The following EIF3CL variants were observed in gnomAD, a reference collection of about 807,000 sequenced individuals.
EIF3CL encodes eukaryotic translation initiation factor 3 subunit C like, also known as eukaryotic translation initiation factor 3 subunit C-like protein.
For missense variants in EIF3CL, 5 were observed against 56.1 expected (o/e 0.09, Z 2.91); for synonymous variants, 2 against 19.6 (o/e 0.10, Z 2.37).
chr16:28,423,796 T>C, the EIF3CL span, among the ~76,000 whole-genome samples: 2 of 100,384 alleles, frequency 2.0e-5, no homozygotes, highest in African/African-American at 6.4e-5. Context: ...TTCTGCTCCA[T>C]ATATATATAT....
rs2045605317 is a variant in EIF3CL at position 28,386,773 on chromosome 16, C to T, written c.1821+1285G>A. On this transcript the variant is annotated intron_variant, in intron 15 of 20. Transcript: ENST00000380876. Reference sequence around the variant, plus strand: ...GTCTCAAAACACACACACACACACACACACACACCCCTAAAAGATACACAC... The same window carrying T: ...GTCTCAAAACACACACACACACACATACACACACCCCTAAAAGATACACAC... Among the ~76,000 whole-genome samples the T allele has an allele frequency of 2.3e-5, 2 of 85,448 alleles. 1 individual carries two copies. Among genetic ancestry groups the T allele is most frequent in the African/African-American group, 9.2e-5 (2 of 21,764 alleles). 56.1% of individuals were successfully genotyped at this position (85,448 alleles called of 152,430 possible).
chr16:28,418,027 G>T, the EIF3CL span, among the ~76,000 whole-genome samples: 1 of 146,126 alleles, frequency 6.8e-6, no homozygotes, highest in Non-Finnish European at 1.5e-5. Flanking sequence ...TGGGCAACAG[G>T]AGTGAGACTC....
At chr16:28,419,014 T>A in the EIF3CL span, among the ~76,000 whole-genome samples, 1 of 144,972 alleles carries the variant, frequency 6.9e-6, no homozygotes, top group African/African-American at 2.5e-5. Context: ...TTTTTAAAAT[T>A]TTTTTTCTTT....
chr16:28,385,474 G>A (rs1358387822), intron 15 of EIF3CL, among the ~76,000 whole-genome samples: 3 of 114,800 alleles, frequency 2.6e-5, no homozygotes, highest in South Asian at 2.7e-4. Flanking sequence ...GACTACAGGC[G>A]TGCACCACTA....
chr16:28,415,848 C>CTCTCCCTCTCCG, the EIF3CL span, among the ~76,000 whole-genome samples: 1 of 75,912 alleles, frequency 1.3e-5, no homozygotes, highest in Non-Finnish European at 3.1e-5. Context: ...CTCCCTCTCC[C>CTCTCCCTCTCCG]TCTCCGTCTC....
the EIF3CL span, among the ~76,000 whole-genome samples, chr16:28,423,796 T>A: frequency 1.0e-5 from 1 of 100,384 alleles, no homozygotes; most frequent in Non-Finnish European, 2.2e-5. Context: ...TTCTGCTCCA[T>A]ATATATATAT....
At chr16:28,414,629 G>A in the EIF3CL span, 215 of 290,978 alleles carry the variant, frequency 7.4e-4, 12 homozygotes, top group Non-Finnish European at 1.1e-3. Flanking sequence ...AGATTCAGAC[G>A]GCTGACTGCT....
chr16:28,415,602 T>TA, the EIF3CL span, among the ~76,000 whole-genome samples: 1 of 117,180 alleles, frequency 8.5e-6, no homozygotes, highest in Non-Finnish European at 1.7e-5. Flanking sequence ...ATACAAAAAT[T>TA]AGCCGGGCAT....
At chr16:28,410,947 A>G in the EIF3CL span, among the ~76,000 whole-genome samples, 1 of 126,536 alleles carries the variant, frequency 7.9e-6, no homozygotes, top group Non-Finnish European at 1.7e-5. Context: ...CATAAGGCAT[A>G]TCCTTTTTTG....
At chr16:28,425,040 CT>C in the EIF3CL span, among the ~76,000 whole-genome samples, 1 of 3,046 alleles carries the variant, frequency 3.3e-4, no homozygotes, top group East Asian at 4.5e-3. Flanking sequence ...GTTCTTGGAA[CT>C]TTTTTTTTTT....
chr16:28,419,253 G>C, the EIF3CL span, among the ~76,000 whole-genome samples: 1 of 150,960 alleles, frequency 6.6e-6, no homozygotes, highest in African/African-American at 2.5e-5. Flanking sequence ...TGATCCGCCT[G>C]CCTTGGCCTC....
rs2045595089 is a variant in EIF3CL at position 28,385,335 on chromosome 16, G to A, written c.1822-1854C>T. On this transcript the variant is annotated intron_variant, in intron 15 of 20. Transcript: ENST00000380876. ...GAATAGAATGAAGGAGAAGTAACCG[G>A]GTATTTCTTTTCTTTTTGAGACAGT... Among the ~76,000 whole-genome samples the A allele has an allele frequency of 1.5e-5, 2 of 129,768 alleles. 1 individual carries two copies. Among genetic ancestry groups the A allele is most frequent in the Admixed American group, 1.7e-4 (2 of 12,116 alleles). The allele number at this position is 129,768 out of a possible 152,430, so 85.1% of individuals were successfully genotyped here.
the EIF3CL span, among the ~76,000 whole-genome samples, chr16:28,422,786 G>C: frequency 7.7e-6 from 1 of 130,092 alleles, no homozygotes; most frequent in South Asian, 2.2e-4. Flanking sequence ...GCAGTGAGCT[G>C]AGATAGCACC....
At chr16:28,384,919 T>TA (rs2045592088) in intron 15 of EIF3CL, among the ~76,000 whole-genome samples, 1 of 78,230 alleles carries the variant, frequency 1.3e-5, no homozygotes, top group Non-Finnish European at 2.5e-5. Context: ...AAAGAGACAA[T>TA]ATACATGACC....
At chr16:28,415,694 G>A in the EIF3CL span, among the ~76,000 whole-genome samples, 2 of 133,512 alleles carry the variant, frequency 1.5e-5, 1 homozygote, top group Non-Finnish European at 3.2e-5. Context: ...AGTTTGCAGT[G>A]AGCTGAGATA....
the EIF3CL span, among the ~76,000 whole-genome samples, chr16:28,410,893 G>A: frequency 8.5e-6 from 1 of 117,130 alleles, no homozygotes; most frequent in African/African-American, 3.1e-5. Flanking sequence ...GAGCCACCAC[G>A]CCTGGCCAGT....
chr16:28,417,785 T>G, the EIF3CL span, among the ~76,000 whole-genome samples: 2 of 133,606 alleles, frequency 1.5e-5, no homozygotes, highest in Non-Finnish European at 3.2e-5. Flanking sequence ...CAAATCCCCC[T>G]CTGTGAGAAA....
chr16:28,422,659 C>T, the EIF3CL span, among the ~76,000 whole-genome samples: 2 of 146,186 alleles, frequency 1.4e-5, no homozygotes, highest in African/African-American at 2.5e-5. Flanking sequence ...ACAGTGAAAC[C>T]CCGTCTTTAC....
the EIF3CL span, among the ~76,000 whole-genome samples, chr16:28,416,756 G>C: frequency 3.0e-5 from 3 of 98,498 alleles, no homozygotes; most frequent in Non-Finnish European, 4.5e-5. Context: ...GAGGGAGGTG[G>C]GGGGGGTCAG....
Sources: allele counts gnomAD v4.1 joint callset (sites outside exome capture counted in the v4.1 genomes callset), GRCh38; gene constraint gnomAD v4.1.1; transcripts MANE v1.5; gene names NCBI Gene and HGNC (gene_info 2026-07-23, HGNC 2026-07-21).